The following PTPRG variants were observed in gnomAD, a reference collection of about 807,000 sequenced individuals.
PTPRG encodes the protein receptor-type tyrosine-protein phosphatase gamma.
PTPRG carries 102 observed loss-of-function variants against 165.3 expected under a neutral mutation model. That is an observed-to-expected ratio of 0.62 (90% CI 0.53 to 0.73). PTPRG has a LOEUF of 0.73. Ranked by LOEUF, PTPRG falls within the 30% of genes least tolerant of loss-of-function variation. The pLI is 0.00. For missense variants in PTPRG, 1,866 were observed against 1,861.4 expected, an observed-to-expected ratio of 1.00 and a Z score of -0.05; for synonymous variants, 675 against 669.5, an observed-to-expected ratio of 1.01 and a Z score of -0.13.
rs17634074 is a variant in PTPRG at position 62,203,763 on chromosome 3, G to T, written c.1968G>T (p.Thr656=). Residue 656 remains threonine, a synonymous_variant, in exon 12 of 30, where the codon ACG becomes ACT. Coordinates refer to ENST00000474889, the MANE Select transcript of PTPRG (RefSeq NM_002841.4). The surrounding 1 kb of genome is among the most constrained non-coding windows in gnomAD (Gnocchi z 6.4). ...QDHTAVPTDQ[T]GGRRDAGPGL... ...ACACTGCCGTCCCCACAGACCAGAC[G>T]GGCGGAAGGAGGGATGCCGGCCCAG... 3 of 1,609,174 alleles carry T rather than the reference G, an allele frequency of 1.9e-6. No individual in the cohort carries two copies. The highest frequency in any genetic ancestry group is 1.1e-5 in the South Asian group (1 of 90,400).
intron 1 of PTPRG, among the ~76,000 whole-genome samples, chr3:61,624,327 A>T (rs929296905): frequency 1.3e-5 from 2 of 152,160 alleles, no homozygotes; most frequent in African/African-American, 4.8e-5. Context: ...AATGAACCCA[A>T]CTAAAAAACT....
intron 1 of PTPRG, among the ~76,000 whole-genome samples, chr3:61,738,538 C>G (rs187356041): frequency 2.7e-5 from 4 of 150,508 alleles, no homozygotes; most frequent in African/African-American, 9.7e-5. Context: ...CAAATAACTG[C>G]TGGATGAATC....
intron 1 of PTPRG, among the ~76,000 whole-genome samples, chr3:61,676,393 C>G (rs1703219761): frequency 1.5e-5 from 2 of 132,476 alleles, no homozygotes; most frequent in Admixed American, 9.1e-5. Context: ...GGAGGCAGAG[C>G]TTGCAGTGAG....
At chr3:61,851,657 C>T (rs2036968171) in intron 2 of PTPRG, among the ~76,000 whole-genome samples, 3 of 152,088 alleles carry the variant, frequency 2.0e-5, no homozygotes, top group South Asian at 4.1e-4. Flanking sequence ...ACATTTAAAG[C>T]ACATTTAAAT....
At chr3:62,168,639 G>A (rs891891393) in intron 8 of PTPRG, among the ~76,000 whole-genome samples, 1 of 152,138 alleles carries the variant, frequency 6.6e-6, no homozygotes, top group Non-Finnish European at 1.5e-5. Flanking sequence ...CATAAGGGAG[G>A]GGGAGCACAC....
intron 16 of PTPRG, among the ~76,000 whole-genome samples, chr3:62,257,955 C>G (rs958284639): frequency 6.6e-4 from 101 of 152,066 alleles, no homozygotes; most frequent in African/African-American, 2.2e-3. Flanking sequence ...CAGAGCAAGA[C>G]CCTGTCTCAG....
chr3:61,599,172 T>C (rs1234390551), intron 1 of PTPRG, among the ~76,000 whole-genome samples: 1 of 152,186 alleles, frequency 6.6e-6, no homozygotes, highest in African/African-American at 2.4e-5. Flanking sequence ...CTAATGATAG[T>C]CTTGCCCTGT....
chr3:62,284,827 C>G (rs1702578823), intron 28 of PTPRG, among the ~76,000 whole-genome samples: 1 of 152,116 alleles, frequency 6.6e-6, no homozygotes, highest in African/African-American at 2.4e-5. Context: ...TCGATTCTTT[C>G]AGTAGACTTT....
intron 1 of PTPRG, among the ~76,000 whole-genome samples, chr3:61,567,746 AC>A: frequency 6.7e-6 from 1 of 150,084 alleles, no homozygotes; most frequent in African/African-American, 2.5e-5. Context: ...ACTTTGGGAG[AC>A]CCAGGTGGGC....
intron 2 of PTPRG, among the ~76,000 whole-genome samples, chr3:61,966,634 T>C (rs1488495390): frequency 1.3e-5 from 2 of 152,216 alleles, no homozygotes; most frequent in Admixed American, 6.5e-5. Context: ...GTGTTTTTTT[T>C]TTCTCACTTT....
chr3:62,173,669 C>T (rs983741453), intron 8 of PTPRG, among the ~76,000 whole-genome samples: 2 of 152,212 alleles, frequency 1.3e-5, no homozygotes, highest in Non-Finnish European at 2.9e-5. Context: ...ACTTACACTT[C>T]ACTTTAACAC....
chr3:62,077,963 AGTCCAGC>A (rs1245945861), intron 4 of PTPRG, among the ~76,000 whole-genome samples, 193 bp from the exon 5 acceptor site: 1 of 150,582 alleles, frequency 6.6e-6, no homozygotes, highest in African/African-American at 2.4e-5. Context: ...GAGTCACTGC[AGTCCAGC>A]GTGGGCAACA....
At chr3:61,800,692 G>A (rs1488940211) in intron 2 of PTPRG, among the ~76,000 whole-genome samples, 6 of 151,364 alleles carry the variant, frequency 4.0e-5, no homozygotes, top group Non-Finnish European at 8.8e-5. Context: ...TGCCCAGGCT[G>A]GAGTGCAGTG....
At chr3:61,840,778 G>GTTTTTTTTTTT (rs1421518243) in intron 2 of PTPRG, among the ~76,000 whole-genome samples, 2 of 106,194 alleles carry the variant, frequency 1.9e-5, no homozygotes, top group Middle Eastern at 4.5e-3. Context: ...TTTTTTGTTT[G>GTTTTTTTTTTT]TTTGTTTTTT....
chr3:62,297,421 G>A lies in PTPRG; in HGVS notation c.*4114G>A, dbSNP rs914703591. ...ACATAATTAGTCACTGAAAACATTCGTCACATTGACCCATTTGGAAAAAGT... is the reference window on the plus strand; with the variant it reads ...ACATAATTAGTCACTGAAAACATTCATCACATTGACCCATTTGGAAAAAGT... On this transcript the variant is annotated 3_prime_UTR_variant, in exon 30 of 30. Coordinates refer to ENST00000474889, the MANE Select transcript of PTPRG (RefSeq NM_002841.4). 4.7e-5 allele frequency: 7 copies of A among 147,512 alleles called. No homozygotes were observed. The highest frequency in any genetic ancestry group is 8.9e-5 in the Non-Finnish European group (6 of 67,082). 9.1% of individuals were successfully genotyped at this position (147,512 alleles called of 1,614,324 possible). A position where few individuals can be genotyped will look rare whatever the true frequency, so the allele number is the denominator to read the frequency against.
chr3:62,005,948 C>G (rs923687475), intron 4 of PTPRG, among the ~76,000 whole-genome samples: 2 of 152,086 alleles, frequency 1.3e-5, no homozygotes, highest in African/African-American at 4.8e-5. Flanking sequence ...AATGATCCAC[C>G]TTTCTCAGCC....
intron 14 of PTPRG, among the ~76,000 whole-genome samples, chr3:62,241,667 A>G (rs1394384104): frequency 1.3e-5 from 2 of 152,134 alleles, no homozygotes; most frequent in Non-Finnish European, 2.9e-5. Context: ...TAGTATATAT[A>G]TATATCCTTT....
intron 4 of PTPRG, among the ~76,000 whole-genome samples, chr3:62,057,960 AGGC>A (rs1429184307): frequency 6.6e-6 from 1 of 152,244 alleles, no homozygotes; most frequent in Non-Finnish European, 1.5e-5. Flanking sequence ...CTTCAGGTGT[AGGC>A]ATTTCAAGAA....
Position 62,252,211 on chromosome 3 carries a change from G to GCT in PTPRG, c.2468-2909_2468-2908dup, listed in dbSNP as rs533714858. 6.6e-5 allele frequency among the ~76,000 whole-genome samples: 10 copies of GCT among 152,036 alleles called. No homozygotes were observed. The East Asian group carries it at 1.5e-3, about 24-fold the overall frequency. On this transcript the variant is annotated intron_variant, in intron 15 of 29. Transcript: ENST00000474889. This position sits in a 1 kb window ranked among gnomAD's most constrained non-coding sequence, Gnocchi z 4.6. ...TTTATCACATAATTACACTGTTCTTGCTCTCCCTTGTGTTCATCTCTTCAC... is the reference window on the plus strand; with the variant it reads ...TTTATCACATAATTACACTGTTCTTGCTCTCTCCCTTGTGTTCATCTCTTCAC...
Sources: allele counts gnomAD v4.1 joint callset (sites outside exome capture counted in the v4.1 genomes callset), GRCh38; gene constraint gnomAD v4.1.1; non-coding constraint Gnocchi (gnomAD v3.1); transcripts MANE v1.5; gene names NCBI Gene and HGNC (gene_info 2026-07-23, HGNC 2026-07-21).